The following SERINC5 variants were observed in gnomAD, a reference collection of about 807,000 sequenced individuals.
SERINC5 encodes the protein chromosome 5 open reading frame 12.
A neutral mutation model predicts 63.1 loss-of-function variants in SERINC5; 41 were observed. The ratio of observed to expected loss-of-function variants is 0.65; its 90% CI spans 0.51 to 0.84. The LOEUF is 0.84. SERINC5 is among the 40% of genes least tolerant of loss of function. The pLI, the probability that SERINC5 is intolerant of heterozygous loss-of-function variation, is 0.00. For synonymous variants in SERINC5, 222 were observed against 215.2 expected, an observed-to-expected ratio of 1.03 and a Z score of -0.28; for missense variants, 523 against 573.0, an observed-to-expected ratio of 0.91 and a Z score of 0.89.
At position 80,255,883 on chromosome 5, in the gene SERINC5, C is replaced by A; in HGVS notation, c.27+13G>T. On this transcript the variant is annotated intron_variant, in intron 1 of 11. Coordinates refer to ENST00000507668, the MANE Select transcript of SERINC5 (RefSeq NM_001174072.3). ...GATCTGACAACCCCCGCGCTGCGCC[C>A]GGCCTCGCTCACCTGGCCCGCACAG... 6.3e-7 allele frequency: 1 copy of A among 1,589,636 alleles called. No individual in the cohort carries two copies.
At chr5:80,164,588 T>C (rs1324264045) in intron 7 of SERINC5, among the ~76,000 whole-genome samples, 1 of 152,060 alleles carries the variant, frequency 6.6e-6, no homozygotes, top group Admixed American at 6.6e-5. Context: ...TTCACCATGT[T>C]GCCCAGGCTG....
intron 2 of SERINC5, among the ~76,000 whole-genome samples, chr5:80,179,154 C>T (rs1218563021): frequency 6.6e-6 from 1 of 151,974 alleles, no homozygotes; most frequent in African/African-American, 2.4e-5. Flanking sequence ...CAATAATGAG[C>T]CCGGTGTGGT....
At chr5:80,227,921 G>C (rs2112555929) in intron 1 of SERINC5, among the ~76,000 whole-genome samples, 2 of 151,838 alleles carry the variant, frequency 1.3e-5, no homozygotes, top group South Asian at 4.2e-4. Flanking sequence ...TCTGGACTTT[G>C]GTTAAAAGTA....
rs1350710858 is a variant in SERINC5 at position 80,141,157 on chromosome 5, C to T, written c.*2506G>A. On this transcript the variant is annotated 3_prime_UTR_variant, in exon 12 of 12. Coordinates refer to ENST00000507668, the MANE Select transcript of SERINC5 (RefSeq NM_001174072.3). The stretch of plus-strand genomic sequence containing the variant: ...CCTCAATCCTCAGATACATCCACAT[C>T]TGTTTTGTTCATCCAGATACACGTG... The T allele has an allele frequency of 7.1e-6, 7 of 985,298 alleles. No homozygotes were observed. In the Admixed American group the frequency reaches 4.3e-4, roughly 61 times the overall value. The allele number at this position is 985,298 out of a possible 1,614,324, so 61.0% of individuals were successfully genotyped here. A position where few individuals can be genotyped will look rare whatever the true frequency, so the allele number is the denominator to read the frequency against.
At chr5:80,195,619 T>C (rs1749452541) in intron 2 of SERINC5, among the ~76,000 whole-genome samples, 1 of 152,176 alleles carries the variant, frequency 6.6e-6, no homozygotes, top group Admixed American at 6.5e-5. Context: ...ATATTATGGC[T>C]TCATATTTAT....
In SERINC5 at chr5:80,187,925, G is replaced by C. The variant is rs376149349; in HGVS notation, c.196-9861C>G. ...ACTAATTAATTACTATGGGAAGAAGGGCTCCTCCACAGATGCAGAACAGGA... is the reference window on the plus strand; with the variant it reads ...ACTAATTAATTACTATGGGAAGAAGCGCTCCTCCACAGATGCAGAACAGGA... On this transcript the variant is annotated intron_variant, in intron 2 of 11. Transcript: ENST00000507668. Among the ~76,000 whole-genome samples the C allele has an allele frequency of 2.6e-5, 4 of 152,108 alleles. No individual in the cohort carries two copies. The East Asian group carries it at 7.7e-4, about 29-fold the overall frequency.
rs1258814863 is a variant in SERINC5 at position 80,194,717 on chromosome 5, C to T, written c.195+8169G>A. Among the ~76,000 whole-genome samples, 4 of 152,282 alleles carry T rather than the reference C, an allele frequency of 2.6e-5. No homozygotes were observed. The East Asian group carries it at 7.7e-4, about 29-fold the overall frequency. ...CTATTTCCAAAAGTAATACTTCTTA[C>T]CACTGGGCCCAGAAGAAAGTCTAGA... On this transcript the variant is annotated intron_variant, in intron 2 of 11. Coordinates refer to ENST00000507668, the MANE Select transcript of SERINC5 (RefSeq NM_001174072.3).
chr5:80,209,285 T>A (rs1750324047), intron 1 of SERINC5, among the ~76,000 whole-genome samples: 1 of 152,082 alleles, frequency 6.6e-6, no homozygotes, highest in Non-Finnish European at 1.5e-5. Flanking sequence ...AAAAAGGTAT[T>A]TAAAAGTTAA....
intron 2 of SERINC5, among the ~76,000 whole-genome samples, chr5:80,185,899 A>C (rs1359140582): frequency 6.6e-6 from 1 of 152,102 alleles, no homozygotes; most frequent in Non-Finnish European, 1.5e-5. Context: ...ATCTGGGCAT[A>C]TACCTGCAAG....
At position 80,194,498 on chromosome 5, in the gene SERINC5, AAC is replaced by A. The variant is rs1216378147; in HGVS notation, c.195+8386_195+8387del. Among the ~76,000 whole-genome samples the A allele has an allele frequency of 6.6e-5, 10 of 152,354 alleles. No individual in the cohort carries two copies. In the South Asian group the frequency reaches 2.1e-3, roughly 32 times the overall value. ...TTGTTTTAAAAAGATGGTTATACCAAACACAACCTGAAAACAAGTTCTATTTT... is the reference window on the plus strand; with the variant it reads ...TTGTTTTAAAAAGATGGTTATACCAAACAACCTGAAAACAAGTTCTATTTT... On this transcript the variant is annotated intron_variant, in intron 2 of 11. Coordinates refer to ENST00000507668, the MANE Select transcript of SERINC5 (RefSeq NM_001174072.3).
chr5:80,222,278 G>C (rs1561436818), intron 1 of SERINC5, among the ~76,000 whole-genome samples: 2 of 152,090 alleles, frequency 1.3e-5, no homozygotes, highest in Admixed American at 6.6e-5. Flanking sequence ...CCCTGAAGAA[G>C]AATCACCCCC....
intron 4 of SERINC5, among the ~76,000 whole-genome samples, chr5:80,176,478 C>A (rs1356864500): frequency 6.6e-6 from 1 of 152,198 alleles, no homozygotes; most frequent in Non-Finnish European, 1.5e-5. Flanking sequence ...GTCGCCCAGG[C>A]TGGAGTACAG....
At chr5:80,170,936 G>A (rs781679507) in intron 5 of SERINC5, among the ~76,000 whole-genome samples, 6 of 152,168 alleles carry the variant, frequency 3.9e-5, no homozygotes, top group Non-Finnish European at 8.8e-5. Context: ...GAGCTCGGGT[G>A]GATGAAGGCT....
intron 1 of SERINC5, among the ~76,000 whole-genome samples, chr5:80,242,960 C>CA (rs1312012769): frequency 6.6e-6 from 1 of 152,154 alleles, no homozygotes; most frequent in Non-Finnish European, 1.5e-5. Flanking sequence ...CCCTGCTATA[C>CA]AAACCTCTAG....
chr5:80,181,283 T>C (rs1748399715), intron 2 of SERINC5, among the ~76,000 whole-genome samples: 1 of 152,212 alleles, frequency 6.6e-6, no homozygotes, highest in Admixed American at 6.5e-5. Context: ...GGTCTCACTC[T>C]GTACCCAGGC....
intron 1 of SERINC5, among the ~76,000 whole-genome samples, chr5:80,221,398 G>A (rs575568085): frequency 6.6e-6 from 1 of 152,200 alleles, no homozygotes; most frequent in South Asian, 2.1e-4. Context: ...CAAGTTTCCC[G>A]TGCGATCACA....
Position 80,192,892 on chromosome 5 carries a change from T to G in SERINC5, c.195+9994A>C, listed in dbSNP as rs539476230. Among the ~76,000 whole-genome samples the G allele has an allele frequency of 3.5e-4, 53 of 152,310 alleles. No homozygotes were observed. In the South Asian group the frequency reaches 7.2e-3, roughly 21 times the overall value. On this transcript the variant is annotated intron_variant, in intron 2 of 11. Transcript: ENST00000507668. Reference sequence around the variant, plus strand: ...GACTCCGAAGGTCAGCCGAGTCACATCTGAGCCAACACCACTGTCCAATAT... The same window carrying G: ...GACTCCGAAGGTCAGCCGAGTCACAGCTGAGCCAACACCACTGTCCAATAT...
chr5:80,146,169 C>T lies in SERINC5; in HGVS notation c.1159G>A (p.Val387Ile), dbSNP rs775731137. ...RVIYDEKKGT[V>I]YIYSYFHFVF... is the part of the protein sequence containing the mutation. ...AAGTGGAAGTAGGAGTAGATGTAGA[C>T]GGTGCCTTTCTTCTCGTCATAAATG... The change falls in exon 11 of 12, where the codon GTC becomes ATC. Residue 387 changes from valine to isoleucine, a missense_variant. Transcript: ENST00000507668. 2.4e-5 allele frequency: 38 copies of T among 1,613,862 alleles called. No individual in the cohort carries two copies. The South Asian group carries it at 3.2e-4, about 14-fold the overall frequency.
intron 6 of SERINC5, among the ~76,000 whole-genome samples, chr5:80,167,805 G>A (rs1311490670): frequency 1.3e-5 from 2 of 152,180 alleles, no homozygotes; most frequent in Non-Finnish European, 2.9e-5. Flanking sequence ...GATGTGATAA[G>A]GGATCTCTCT....
Sources: allele counts gnomAD v4.1 joint callset (sites outside exome capture counted in the v4.1 genomes callset), GRCh38; gene constraint gnomAD v4.1.1; transcripts MANE v1.5; gene names NCBI Gene and HGNC (gene_info 2026-07-23, HGNC 2026-07-21).